NAA35: variants seen among roughly 807,000 people sequenced by gnomAD.
NAA35 encodes N-alpha-acetyltransferase 35, NatC auxiliary subunit.
Under a neutral mutation model 101.7 loss-of-function variants are expected in NAA35, and 18 were observed. The observed-to-expected ratio is 0.18, with a 90% CI of 0.12 to 0.26. The LOEUF (loss-of-function observed/expected upper bound fraction) is 0.26, where lower values mean the gene tolerates loss of function less well. Among genes scored for constraint, NAA35 ranks in the 10% least tolerant of loss-of-function variants. The pLI, the probability that NAA35 is intolerant of heterozygous loss-of-function variation, is 1.00. For synonymous variants in NAA35, 267 were observed against 273.1 expected, an observed-to-expected ratio of 0.98 and a Z score of 0.22; for missense variants, 601 against 886.8, an observed-to-expected ratio of 0.68 and a Z score of 4.09.
intron 12 of NAA35, among the ~76,000 whole-genome samples, chr9:85,998,130 G>A (rs944342004): frequency 2.0e-5 from 3 of 152,096 alleles, no homozygotes; most frequent in Non-Finnish European, 4.4e-5. Flanking sequence ...TAGCCAGGAT[G>A]GTCTTGATTT....
chr9:85,990,864 C>G (rs1245512446), intron 11 of NAA35, among the ~76,000 whole-genome samples: 1 of 152,112 alleles, frequency 6.6e-6, no homozygotes, highest in Admixed American at 6.5e-5. Context: ...CATGGGCCAT[C>G]AGAGTCTGTG....
At chr9:86,002,266 C>T (rs1831448187) in intron 12 of NAA35, among the ~76,000 whole-genome samples, 1 of 152,086 alleles carries the variant, frequency 6.6e-6, no homozygotes, top group South Asian at 2.1e-4. Flanking sequence ...AGGTTACTCG[C>T]CCTTTCTTTG....
At chr9:86,017,397 T>C (rs1293917181) in intron 18 of NAA35, 101 bp from the exon 19 acceptor site, 15 of 1,018,054 alleles carry the variant, frequency 1.5e-5, no homozygotes, top group Non-Finnish European at 2.1e-5. Flanking sequence ...TAATTTAGTA[T>C]ACAAGCTGAA....
Position 86,018,838 on chromosome 9 carries a change from A to G in NAA35, c.2037+17A>G, listed in dbSNP as rs1179133835. ...GACCATGAGGTGAGACTGGATTCAC[A>G]GTAATTCTAGGGGAAAAGCGTGGCA... On this transcript the variant is annotated intron_variant, in intron 21 of 22. Transcript: ENST00000361671. 2.5e-6 allele frequency: 4 copies of G among 1,608,336 alleles called. No homozygotes were observed. The highest frequency in any genetic ancestry group is 3.4e-6 in the Non-Finnish European group (4 of 1,178,558).
At chr9:85,948,311 C>G (rs142450461) in intron 2 of NAA35, among the ~76,000 whole-genome samples, 2 of 152,268 alleles carry the variant, frequency 1.3e-5, no homozygotes, top group East Asian at 3.9e-4. Flanking sequence ...ATCATTAATT[C>G]TACTTCTAGA....
At chr9:85,985,179 C>T (rs528884687) in intron 11 of NAA35, among the ~76,000 whole-genome samples, 48 of 152,190 alleles carry the variant, frequency 3.2e-4, no homozygotes, top group African/African-American at 9.2e-4. Context: ...GAAACTGGAG[C>T]CCTAATACAG....
chr9:86,004,968 G>A (rs1259350982), intron 13 of NAA35, among the ~76,000 whole-genome samples: 1 of 152,042 alleles, frequency 6.6e-6, no homozygotes, highest in East Asian at 1.9e-4. Context: ...AAATAAAAGA[G>A]GCAAGAACAC....
chr9:86,016,376 TAATC>T (rs1041957977), intron 17 of NAA35, among the ~76,000 whole-genome samples, 159 bp from the exon 18 acceptor site: 7 of 152,146 alleles, frequency 4.6e-5, no homozygotes, highest in African/African-American at 1.7e-4. Context: ...AAGGGAAAAT[TAATC>T]CTTATGTTCA....
rs1383230739 is a variant in NAA35 at position 86,024,194 on chromosome 9, A to C, written c.*2234A>C. ...AAGAATATGCTGTATGCTGGGTAGG[A>C]GAACTGCCCCACGTGAAACTTTAGG... On this transcript the variant is annotated 3_prime_UTR_variant, in exon 23 of 23. Transcript: ENST00000361671. Among the ~76,000 whole-genome samples, 3 of 152,196 alleles carry C rather than the reference A, an allele frequency of 2.0e-5. No homozygotes were observed. The highest frequency in any genetic ancestry group is 4.4e-5 in the Non-Finnish European group (3 of 68,036).
intron 11 of NAA35, among the ~76,000 whole-genome samples, chr9:85,995,596 G>C (rs1013070521): frequency 1.3e-5 from 2 of 152,040 alleles, no homozygotes; most frequent in African/African-American, 4.8e-5. Flanking sequence ...AATAACAACA[G>C]CTATTCAGCT....
rs893108811 is a variant in NAA35 at position 85,944,340 on chromosome 9, A to G, written c.124+2057A>G. On this transcript the variant is annotated intron_variant, in intron 2 of 22. Transcript: ENST00000361671. The stretch of plus-strand genomic sequence containing the variant: ...GTAACTGTTGTTACTCAAGGTATTT[A>G]ATTTAGAGTTGAAAGCATATAAAGA... 3.9e-5 allele frequency among the ~76,000 whole-genome samples: 6 copies of G among 152,218 alleles called. No homozygotes were observed. The South Asian group carries it at 6.2e-4, about 16-fold the overall frequency.
intron 11 of NAA35, among the ~76,000 whole-genome samples, chr9:85,988,489 A>C (rs1005831230): frequency 6.6e-6 from 1 of 152,152 alleles, no homozygotes; most frequent in African/African-American, 2.4e-5. Flanking sequence ...CATTCTAGAC[A>C]TTGCTGAAAA....
In NAA35 at chr9:86,024,912, A is replaced by C. The variant is rs532236818; in HGVS notation, c.*2952A>C. 6.6e-6 allele frequency among the ~76,000 whole-genome samples: 1 copy of C among 152,200 alleles called. No individual in the cohort carries two copies. Among genetic ancestry groups the C allele is most frequent in the African/African-American group, 2.4e-5 (1 of 41,534 alleles). On this transcript the variant is annotated 3_prime_UTR_variant, in exon 23 of 23. Coordinates refer to ENST00000361671, the MANE Select transcript of NAA35 (RefSeq NM_024635.4). ...GGTTGCCATTGCTCAGGGAGCTCCT[A>C]GAGTAAGGGACTGAGATAGGTCCCA... is the stretch of plus-strand genomic sequence containing the variant.
At chr9:85,952,555 G>T (rs1829068960) in intron 2 of NAA35, among the ~76,000 whole-genome samples, 1 of 151,938 alleles carries the variant, frequency 6.6e-6, no homozygotes, top group Admixed American at 6.6e-5. Context: ...AAAGTGCTGG[G>T]ATTATAGGCG....
At chr9:85,960,617 T>C (rs1829473926) in intron 5 of NAA35, among the ~76,000 whole-genome samples, 1 of 152,202 alleles carries the variant, frequency 6.6e-6, no homozygotes, top group Admixed American at 6.5e-5. Flanking sequence ...ATCCTGATCC[T>C]TCATCTTCCA....
chr9:85,970,659 A>G (rs1829962110), intron 6 of NAA35, among the ~76,000 whole-genome samples: 1 of 152,210 alleles, frequency 6.6e-6, no homozygotes, highest in Admixed American at 6.5e-5. Context: ...ATATACTACA[A>G]AATGTATACT....
At chr9:86,021,084 CTA>C in intron 22 of NAA35, 115 bp downstream of exon 22, 1 of 733,516 alleles carries the variant, frequency 1.4e-6, no homozygotes, top group Non-Finnish European at 2.1e-6. Flanking sequence ...AAAAATCATT[CTA>C]AAAATTTTAG....
intron 12 of NAA35, among the ~76,000 whole-genome samples, chr9:85,996,807 C>T (rs1376616166): frequency 6.6e-6 from 1 of 152,132 alleles, no homozygotes; most frequent in African/African-American, 2.4e-5. Context: ...AAAGCTTTTA[C>T]ACTATTTTAG....
At chr9:85,941,422 C>T (rs1180871548) in intron 1 of NAA35, 149 bp downstream of exon 1, 1 of 985,220 alleles carries the variant, frequency 1.0e-6, no homozygotes, top group Non-Finnish European at 1.2e-6. Context: ...GCGGCGGGCT[C>T]CCCAGTGCCC....
Sources: gnomAD v4.1 joint callset for allele counts (sites outside exome capture counted in the v4.1 genomes callset) on GRCh38, gnomAD v4.1.1 for gene constraint, MANE v1.5 for transcripts, NCBI Gene and HGNC (gene_info 2026-07-23, HGNC 2026-07-21) for gene names.